CTNND2: variants seen among roughly 807,000 people sequenced by gnomAD.
CTNND2 encodes catenin delta 2.
In CTNND2, 22 loss-of-function variants were observed where a neutral mutation model predicts 144.4. That is an observed-to-expected ratio of 0.15 (90% CI 0.11 to 0.22). The LOEUF (loss-of-function observed/expected upper bound fraction) is 0.22. CTNND2 is among the 10% of genes least tolerant of loss of function. The probability of loss-of-function intolerance (pLI) is 1.00; values close to 1 mark genes in which losing one functional copy is unlikely to be tolerated. For missense variants in CTNND2, 1,353 were observed against 1,618.8 expected (o/e 0.84, Z 2.82); for synonymous variants, 751 against 695.6 (o/e 1.08, Z -1.25).
intron 3 of CTNND2, among the ~76,000 whole-genome samples, chr5:11,449,952 A>G (rs1459119163): frequency 2.0e-5 from 3 of 152,232 alleles, no homozygotes; most frequent in Non-Finnish European, 1.5e-5. Flanking sequence ...TACAGTTGCT[A>G]GACACTGTGA....
intron 2 of CTNND2, among the ~76,000 whole-genome samples, chr5:11,571,326 A>G (rs1392690220): frequency 6.6e-6 from 1 of 152,184 alleles, no homozygotes; most frequent in Non-Finnish European, 1.5e-5. Flanking sequence ...TGTGCCTTCC[A>G]GGAGAACCAC....
chr5:11,725,602 TG>T (rs1217315799), intron 2 of CTNND2, among the ~76,000 whole-genome samples: 1 of 151,960 alleles, frequency 6.6e-6, no homozygotes, highest in Middle Eastern at 3.2e-3. Context: ...TGTAGTGTAG[TG>T]GGGGGGAAAA....
chr5:11,521,309 T>C (rs938217239), intron 3 of CTNND2, among the ~76,000 whole-genome samples: 1 of 152,366 alleles, frequency 6.6e-6, no homozygotes, highest in East Asian at 1.9e-4. Flanking sequence ...GACTCTTCTC[T>C]CTAACTGAGC....
At chr5:11,790,183 C>T (rs1296100073) in intron 1 of CTNND2, among the ~76,000 whole-genome samples, 2 of 152,050 alleles carry the variant, frequency 1.3e-5, no homozygotes, top group Non-Finnish European at 1.5e-5. Context: ...TCCTGTATTG[C>T]TTATCTAAAA....
At chr5:11,761,162 T>C (rs1332360295) in intron 1 of CTNND2, among the ~76,000 whole-genome samples, 2 of 152,212 alleles carry the variant, frequency 1.3e-5, no homozygotes, top group Non-Finnish European at 2.9e-5. Flanking sequence ...CCCTTGTAAC[T>C]GTGTCTGCAC....
intron 2 of CTNND2, among the ~76,000 whole-genome samples, chr5:11,593,812 A>T (rs1337107548): frequency 6.6e-6 from 1 of 152,154 alleles, no homozygotes; most frequent in South Asian, 2.1e-4. Flanking sequence ...ATGAAAATGG[A>T]CTAATACGAC....
chr5:11,044,892 C>T (rs951430334), intron 16 of CTNND2, among the ~76,000 whole-genome samples: 15 of 152,222 alleles, frequency 9.9e-5, no homozygotes, highest in African/African-American at 3.1e-4. Context: ...AGGGTAGTGC[C>T]CCCTTGGGCC....
intron 16 of CTNND2, among the ~76,000 whole-genome samples, chr5:11,044,680 T>C (rs1426042875): frequency 1.3e-5 from 2 of 152,204 alleles, no homozygotes; most frequent in South Asian, 2.1e-4. Context: ...CAGTGTCACA[T>C]TGCTAAGGTC....
intron 3 of CTNND2, among the ~76,000 whole-genome samples, chr5:11,499,911 C>T (rs1003546430): frequency 6.6e-6 from 1 of 151,988 alleles, no homozygotes; most frequent in Non-Finnish European, 1.5e-5. Flanking sequence ...CCAATTACTT[C>T]CCTGTACTTT....
chr5:11,717,426 A>C (rs1057447958), intron 2 of CTNND2, among the ~76,000 whole-genome samples: 2 of 151,730 alleles, frequency 1.3e-5, no homozygotes, highest in African/African-American at 2.4e-5. Context: ...ATACAAAAAA[A>C]ATTAGCCGGG....
At chr5:11,580,874 G>A (rs926649541) in intron 2 of CTNND2, among the ~76,000 whole-genome samples, 2 of 152,152 alleles carry the variant, frequency 1.3e-5, no homozygotes, top group South Asian at 2.1e-4. Flanking sequence ...CTTCTCTTCT[G>A]TAATTCAAAC....
At chr5:11,699,275 T>C (rs72734941) in intron 2 of CTNND2, among the ~76,000 whole-genome samples, 1,901 of 151,726 alleles carry the variant, frequency 0.013, 17 homozygotes, top group Non-Finnish European at 0.02. Context: ...AGGCCAAGAG[T>C]CCACGGGGAG....
At chr5:11,404,443 A>C (rs1760902683) in intron 5 of CTNND2, among the ~76,000 whole-genome samples, 2 of 152,070 alleles carry the variant, frequency 1.3e-5, no homozygotes, top group African/African-American at 4.8e-5. Flanking sequence ...GCCATTAATA[A>C]GTGGTTAATA....
At chr5:11,575,206 G>A (rs1777884227) in intron 2 of CTNND2, among the ~76,000 whole-genome samples, 2 of 152,120 alleles carry the variant, frequency 1.3e-5, no homozygotes, top group East Asian at 1.9e-4. Context: ...CAGGCACCAT[G>A]CTTTTGCATT....
chr5:11,243,379 A>G (rs910295448), intron 9 of CTNND2, among the ~76,000 whole-genome samples: 3 of 152,194 alleles, frequency 2.0e-5, no homozygotes, highest in African/African-American at 4.8e-5. Flanking sequence ...CCACTGAGAT[A>G]AAAATTCCTA....
chr5:11,704,674 C>G (rs192389863), intron 2 of CTNND2, among the ~76,000 whole-genome samples: 1 of 151,844 alleles, frequency 6.6e-6, no homozygotes, highest in African/African-American at 2.4e-5. Context: ...TGTACTTAAG[C>G]CCACCTCTAA....
chr5:11,837,934 C>A (rs1432061744), intron 1 of CTNND2, among the ~76,000 whole-genome samples: 1 of 152,032 alleles, frequency 6.6e-6, no homozygotes, highest in African/African-American at 2.4e-5. Context: ...AATTTCCAGG[C>A]CCTTTACTTG....
rs72730903 is a variant in CTNND2, at chr5:11,113,675, C to T, written c.2278-2632G>A. ...CTATCATTTTTTCAGGCACCTGCTA[C>T]GTAACAGCCACTGTGATGGCACATA... On this transcript the variant is annotated intron_variant, in intron 13 of 21. Coordinates refer to ENST00000304623, the MANE Select transcript of CTNND2 (RefSeq NM_001332.4). Among the ~76,000 whole-genome samples the T allele has an allele frequency of 2.2e-3, 336 of 152,302 alleles. 1 individual carries two copies. The highest frequency in any genetic ancestry group is 3.5e-3 in the South Asian group (17 of 4,832).
intron 12 of CTNND2, among the ~76,000 whole-genome samples, chr5:11,135,092 A>G (rs867521686): frequency 3.9e-5 from 6 of 152,090 alleles, no homozygotes; most frequent in South Asian, 4.2e-4. Flanking sequence ...TCTGATTTAA[A>G]AATTGTGCAC....
Sources: allele counts gnomAD v4.1 joint callset (sites outside exome capture counted in the v4.1 genomes callset), GRCh38; gene constraint gnomAD v4.1.1; transcripts MANE v1.5; gene names NCBI Gene and HGNC (gene_info 2026-07-23, HGNC 2026-07-21).